DYM: variants seen among roughly 807,000 people sequenced by gnomAD.
DYM encodes the protein dymeclin, also known as dyggve-Melchior-Clausen syndrome protein.
A neutral mutation model predicts 93.1 loss-of-function variants in DYM; 78 were observed. The ratio of observed to expected loss-of-function variants is 0.84; its 90% CI spans 0.70 to 1.01. DYM has a LOEUF of 1.01. DYM is among the 50% of genes least tolerant of loss of function. DYM has a pLI of 0.00. For missense variants in DYM, 789 were observed against 845.0 expected, an observed-to-expected ratio of 0.93 and a Z score of 0.82; for synonymous variants, 321 against 319.7, an observed-to-expected ratio of 1.00 and a Z score of -0.04.
At chr18:49,347,622 A>C (rs2064711889) in intron 6 of DYM, among the ~76,000 whole-genome samples, 3 of 152,242 alleles carry the variant, frequency 2.0e-5, no homozygotes, top group African/African-American at 7.2e-5. Context: ...ACTGTGCAAG[A>C]GGACCTCTAA....
chr18:49,234,409 A>C (rs2093800015), intron 13 of DYM, among the ~76,000 whole-genome samples: 1 of 151,986 alleles, frequency 6.6e-6, no homozygotes, highest in South Asian at 2.1e-4. Context: ...GTGAGCCAAG[A>C]TTGTGCCACC....
chr18:49,387,600 AC>A (rs1255350675), intron 3 of DYM, among the ~76,000 whole-genome samples: 1 of 152,180 alleles, frequency 6.6e-6, no homozygotes, highest in Non-Finnish European at 1.5e-5. Flanking sequence ...TCATGTTGTC[AC>A]CAGCAAGAAG....
chr18:49,054,107 G>A (rs2075265081), intron 17 of DYM, among the ~76,000 whole-genome samples: 1 of 152,190 alleles, frequency 6.6e-6, no homozygotes, highest in Non-Finnish European at 1.5e-5. Flanking sequence ...GCTCTTCCAA[G>A]TGTAATGGAG....
intron 17 of DYM, among the ~76,000 whole-genome samples, chr18:49,069,090 C>G (rs1275705202): frequency 3.3e-5 from 5 of 152,186 alleles, no homozygotes; most frequent in African/African-American, 1.2e-4. Flanking sequence ...CATTTGACAA[C>G]ACATTAGTAA....
intron 13 of DYM, among the ~76,000 whole-genome samples, chr18:49,254,325 T>TATATATACAC (rs1279388698): frequency 4.3e-5 from 6 of 138,656 alleles, no homozygotes; most frequent in African/African-American, 1.4e-4. Flanking sequence ...TATATATATA[T>TATATATACAC]ACACACATAG....
intron 14 of DYM, chr18:49,208,411 C>T (rs1158744863): frequency 6.6e-6 from 1 of 152,106 alleles, no homozygotes. Flanking sequence ...TCTAACATTA[C>T]ATACGTAACA....
intron 14 of DYM, among the ~76,000 whole-genome samples, chr18:49,177,366 CT>C (rs1318697364): frequency 6.6e-6 from 1 of 152,124 alleles, no homozygotes; most frequent in African/African-American, 2.4e-5. Context: ...TGGGGAAATG[CT>C]GCAGAGTACC....
intron 3 of DYM, among the ~76,000 whole-genome samples, chr18:49,387,682 A>C (rs1457499369): frequency 1.3e-5 from 2 of 152,204 alleles, no homozygotes; most frequent in Non-Finnish European, 2.9e-5. Flanking sequence ...ATTAAGATAC[A>C]TACATTTAAC....
chr18:49,274,230 G>A (rs540628662), intron 10 of DYM, among the ~76,000 whole-genome samples: 3 of 152,106 alleles, frequency 2.0e-5, no homozygotes, highest in South Asian at 2.1e-4. Flanking sequence ...CTGGACTTCC[G>A]TATGAATAGA....
At chr18:49,219,283 G>A (rs1436303374) in intron 13 of DYM, among the ~76,000 whole-genome samples, 4 of 152,014 alleles carry the variant, frequency 2.6e-5, no homozygotes, top group African/African-American at 4.8e-5. Flanking sequence ...CAACCAAAAA[G>A]AGTCCAGGAC....
In DYM at chr18:49,426,817, C is replaced by A. The variant is rs74470028; in HGVS notation, c.140+3438G>T. 1.6e-4 allele frequency among the ~76,000 whole-genome samples: 24 copies of A among 151,558 alleles called. No homozygotes were observed. The East Asian group carries it at 4.7e-3, about 29-fold the overall frequency. ...AATTTACCCTCAAGACAGAAATAGGCCCTCTACCTCTGAGGTAAAGGGAAA... is the reference window on the plus strand; with the variant it reads ...AATTTACCCTCAAGACAGAAATAGGACCTCTACCTCTGAGGTAAAGGGAAA... On this transcript the variant is annotated intron_variant, in intron 2 of 17. Transcript: ENST00000675505.
rs2070870212 is a variant in DYM at position 49,040,514 on chromosome 18, T to C, written c.*3541A>G. 6.6e-6 allele frequency among the ~76,000 whole-genome samples: 1 copy of C among 152,270 alleles called. No homozygotes were observed. Among genetic ancestry groups the C allele is most frequent in the Non-Finnish European group, 1.5e-5 (1 of 68,048 alleles). On this transcript the variant is annotated 3_prime_UTR_variant, in exon 18 of 18. Transcript: ENST00000675505. ...TTATAATCTACTTCTCAGTTCTTCA[T>C]ATGCATAGCTAGCTTAGCTCTTCAT...
At chr18:49,338,322 C>T (rs1025766356) in intron 6 of DYM, among the ~76,000 whole-genome samples, 2 of 152,154 alleles carry the variant, frequency 1.3e-5, no homozygotes, top group African/African-American at 2.4e-5. Context: ...AACAGAATGA[C>T]AATACTATGA....
At chr18:49,426,712 G>A (rs547858627) in intron 2 of DYM, among the ~76,000 whole-genome samples, 1 of 148,264 alleles carries the variant, frequency 6.7e-6, no homozygotes, top group Non-Finnish European at 1.5e-5. Context: ...GCTGAACTGG[G>A]TATCAAAAAG....
intron 2 of DYM, among the ~76,000 whole-genome samples, chr18:49,400,913 T>A (rs1441067069): frequency 6.6e-6 from 1 of 152,194 alleles, no homozygotes; most frequent in East Asian, 1.9e-4. Flanking sequence ...TGAGCTCAGA[T>A]GTGCTGGCAG....
At chr18:49,272,137 T>C (rs1348873915) in intron 11 of DYM, 41 bp downstream of exon 11, 3 of 1,591,668 alleles carry the variant, frequency 1.9e-6, no homozygotes, top group East Asian at 2.2e-5. Context: ...GACATGTCTG[T>C]TCTGTTAACT....
intron 5 of DYM, among the ~76,000 whole-genome samples, chr18:49,374,853 G>A (rs113737290): frequency 0.091 from 13,854 of 152,080 alleles, 854 homozygotes; most frequent in East Asian, 0.31. Context: ...CAGATACTTG[G>A]GAGGCTGAGG....
chr18:49,048,612 T>C (rs937209721), intron 17 of DYM: 2 of 152,190 alleles, frequency 1.3e-5, no homozygotes, highest in Non-Finnish European at 2.9e-5. Context: ...AACTGTAAAC[T>C]GCTCTCAGAA....
intron 8 of DYM, among the ~76,000 whole-genome samples, chr18:49,300,189 T>C (rs906257798): frequency 1.3e-5 from 2 of 150,752 alleles, no homozygotes; most frequent in Non-Finnish European, 3.0e-5. Context: ...TATGAGATTT[T>C]ATCAGAAACA....
Sources: allele counts gnomAD v4.1 joint callset (sites outside exome capture counted in the v4.1 genomes callset), GRCh38; gene constraint gnomAD v4.1.1; transcripts MANE v1.5; gene names NCBI Gene and HGNC (gene_info 2026-07-23, HGNC 2026-07-21).